Variants in ANKLE2 observed in about 807,000 individuals in gnomAD.
The protein encoded by ANKLE2 is ankyrin repeat and LEM domain-containing protein 2.
In ANKLE2, 55 loss-of-function variants were observed where a neutral mutation model predicts 84.2. The ratio of observed to expected loss-of-function variants is 0.65; its 90% CI spans 0.53 to 0.82. The LOEUF (loss-of-function observed/expected upper bound fraction) is 0.82. Among genes scored for constraint, ANKLE2 ranks in the 40% least tolerant of loss-of-function variants. The pLI is 0.00. For missense variants in ANKLE2, 1,238 were observed against 1,201.9 expected (o/e 1.03, Z -0.44); for synonymous variants, 551 against 486.1 (o/e 1.13, Z -1.76).
chr12:132,755,931 G>C (rs139120026), intron 1 of ANKLE2: 10,854 of 152,120 alleles, frequency 0.071, 485 homozygotes, highest in African/African-American at 0.13. Context: ...TGCAACCTCT[G>C]CCTCCTGGGT....
Position 132,735,434 on chromosome 12 carries a change from G to A in ANKLE2, c.1672C>T (p.Pro558Ser). ...CCCACTCTCTCAAAGCCTCTTTCCG[G>A]GTCCGACTTCTTGACGTGGTGAAGG... Reference protein sequence around the residue: ...GFLHHVKKSDPERGFERVGRE... With the variant: ...GFLHHVKKSDSERGFERVGRE... Residue 558 changes from proline to serine, a missense_variant, in exon 9 of 13, where the codon CCG (proline) becomes TCG (serine). By Grantham distance (74) the Pro-to-Ser change is moderately conservative. Coordinates refer to ENST00000357997, the MANE Select transcript of ANKLE2 (RefSeq NM_015114.3). 6.2e-7 allele frequency: 1 copy of A among 1,614,080 alleles called. No individual in the cohort carries two copies. Among genetic ancestry groups the A allele is most frequent in the Non-Finnish European group, 8.5e-7 (1 of 1,180,024 alleles).
intron 10 of ANKLE2, among the ~76,000 whole-genome samples, chr12:132,733,526 T>C (rs1453487150): frequency 6.6e-6 from 1 of 151,334 alleles, no homozygotes; most frequent in African/African-American, 2.4e-5. Flanking sequence ...CTCTGCGTGC[T>C]GGTGCCTGAT....
chr12:132,761,688 CG>C lies in ANKLE2; in HGVS notation c.110del (p.Pro37ArgfsTer27). The C allele has an allele frequency of 7.4e-7, 1 of 1,344,814 alleles. No individual in the cohort carries two copies. The highest frequency in any genetic ancestry group is 9.6e-7 in the Non-Finnish European group (1 of 1,040,728). 83.3% of individuals were successfully genotyped at this position (1,344,814 alleles called of 1,614,324 possible). On this transcript the variant is annotated frameshift_variant, in exon 1 of 13. Coordinates refer to ENST00000357997, the MANE Select transcript of ANKLE2 (RefSeq NM_015114.3). LOFTEE classifies it high-confidence loss of function. ...CGCTGCGGCCCAGACCTCCCGGCCGCGGGCCCAGCCGCCGCACCAGCCACCG... is the reference window on the plus strand; with the variant it reads ...CGCTGCGGCCCAGACCTCCCGGCCGCGGCCCAGCCGCCGCACCAGCCACCG... ...AVRWLVRRLG[P>X]RPGGLGRSGT...
chr12:132,730,996 G>A (rs1374516716), intron 10 of ANKLE2: 2 of 152,244 alleles, frequency 1.3e-5, no homozygotes, highest in Non-Finnish European at 2.9e-5. Flanking sequence ...GGATCCCGAA[G>A]ATCGTCCAGA....
chr12:132,754,144 AG>A (rs1203579496), intron 2 of ANKLE2, among the ~76,000 whole-genome samples: 8 of 152,142 alleles, frequency 5.3e-5, no homozygotes, highest in African/African-American at 1.9e-4. Context: ...CAGGAGGCTG[AG>A]GCAGGAGAAT....
intron 10 of ANKLE2, among the ~76,000 whole-genome samples, chr12:132,733,601 C>G (rs1444117312): frequency 6.6e-6 from 1 of 150,852 alleles, no homozygotes; most frequent in Non-Finnish European, 1.5e-5. Flanking sequence ...ACTCTGCATC[C>G]TGGTGTCTGA....
At chr12:132,756,248 T>C (rs2044480532) in intron 1 of ANKLE2, 2 of 151,540 alleles carry the variant, frequency 1.3e-5, no homozygotes, top group Non-Finnish European at 2.9e-5. Context: ...TACATGCCTG[T>C]AACCCCAGCT....
At chr12:132,742,390 C>T (rs972660484) in intron 6 of ANKLE2, 2 of 153,502 alleles carry the variant, frequency 1.3e-5, no homozygotes, top group African/African-American at 4.8e-5. Flanking sequence ...CCACTGCCAC[C>T]AGAAGATCCT....
Position 132,737,050 on chromosome 12 carries a change from G to A in ANKLE2, c.1436C>T (p.Pro479Leu). ...AGAAGTCTCTTCCGCTCTCAGGAGGGGCACGTAGTAGTGGCCTGAGGGAGG... is the reference window on the plus strand; with the variant it reads ...AGAAGTCTCTTCCGCTCTCAGGAGGAGCACGTAGTAGTGGCCTGAGGGAGG... ...REYLKGHYYV[P>L]LLRAEETSSP... The change falls in exon 8 of 13, where the codon CCC becomes CTC. Residue 479 changes from proline (P) to leucine (L), a missense_variant. Pro to Leu is a moderately conservative substitution (Grantham distance 98, BLOSUM62 -3). Transcript: ENST00000357997. 1.9e-6 allele frequency: 3 copies of A among 1,602,850 alleles called. No homozygotes were observed. Among genetic ancestry groups the A allele is most frequent in the Non-Finnish European group, 2.6e-6 (3 of 1,171,752 alleles).
In ANKLE2 at chr12:132,757,168, T is replaced by C. The variant is rs549154659; in HGVS notation, c.182-2035A>G. On this transcript the variant is annotated intron_variant, in intron 1 of 12. Coordinates refer to ENST00000357997, the MANE Select transcript of ANKLE2 (RefSeq NM_015114.3). ...TACCGTGTGAACAGGCTCTAGGCAG[T>C]AGATGTTTTCACAATGGTATAGGTT... 3 of 152,320 alleles carry C rather than the reference T, an allele frequency of 2.0e-5. No homozygotes were observed. The South Asian group carries it at 6.2e-4, about 32-fold the overall frequency. 9.4% of individuals were successfully genotyped at this position (152,320 alleles called of 1,614,324 possible).
intron 1 of ANKLE2, chr12:132,759,588 T>C (rs1357021237): frequency 6.6e-6 from 1 of 152,016 alleles, no homozygotes; most frequent in Admixed American, 6.6e-5. Context: ...ATACATCATA[T>C]ATAAAAACAT....
In ANKLE2 at chr12:132,747,943, G is replaced by C; in HGVS notation, c.1119C>G (p.Val373=). The change falls in exon 5 of 13, where the codon GTC becomes GTG. Residue 373 remains valine, a synonymous_variant. Transcript: ENST00000357997. ...QASICQLTLD[V]LENPDFMRLM... is the part of the protein sequence containing the mutation. ...GCCTCATGAAGTCAGGGTTCTCCAG[G>C]ACGTCCAGAGTCAGCTGGCAGATGG... The C allele has an allele frequency of 1.9e-6, 3 of 1,601,758 alleles. No individual in the cohort carries two copies. The highest frequency in any genetic ancestry group is 2.5e-6 in the Non-Finnish European group (3 of 1,177,144).
rs1457239627 is a variant in ANKLE2 at position 132,726,369 on chromosome 12, C to G, written c.*873G>C. On this transcript the variant is annotated 3_prime_UTR_variant, in exon 13 of 13. Coordinates refer to ENST00000357997, the MANE Select transcript of ANKLE2 (RefSeq NM_015114.3). ...CAGGAGATCCCAACTGAAATGAGTT[C>G]CAAAATAACGGATACCTTTATCGTA... is the stretch of plus-strand genomic sequence containing the variant. The G allele has an allele frequency of 6.6e-6, 1 of 152,252 alleles. No individual in the cohort carries two copies. Among genetic ancestry groups the G allele is most frequent in the Non-Finnish European group, 1.5e-5 (1 of 68,110 alleles). The allele number at this position is 152,252 out of a possible 1,614,324, so 9.4% of individuals were successfully genotyped here.
Position 132,747,974 on chromosome 12 carries a change from T to C in ANKLE2, c.1088A>G (p.Gln363Arg), listed in dbSNP as rs1245305132. 1.9e-6 allele frequency: 3 copies of C among 1,598,134 alleles called. No homozygotes were observed. The Admixed American group carries it at 5.6e-5, about 30-fold the overall frequency. ...CAGAGTCAGCTGGCAGATGGAAGCCTGGTTCTCTTTGGCAGCAACATGCAT... is the reference window on the plus strand; with the variant it reads ...CAGAGTCAGCTGGCAGATGGAAGCCCGGTTCTCTTTGGCAGCAACATGCAT... ...NVMHVAAKEN[Q>R]ASICQLTLDV... is the part of the protein sequence containing the mutation. The change falls in exon 5 of 13, where the codon CAG (glutamine) becomes CGG (arginine). Residue 363 changes from glutamine to arginine, a missense_variant. Gln to Arg is a conservative substitution (Grantham distance 43). Transcript: ENST00000357997.
intron 9 of ANKLE2, 176 bp from the exon 10 acceptor site, chr12:132,734,751 C>T (rs1026261895): frequency 3.2e-5 from 20 of 629,658 alleles, no homozygotes; most frequent in Non-Finnish European, 4.5e-5. Context: ...TGAAACAGCA[C>T]GCCTCCTCAC....
At chr12:132,759,938 A>C (rs913382407) in intron 1 of ANKLE2, 1 of 152,160 alleles carries the variant, frequency 6.6e-6, no homozygotes, top group Non-Finnish European at 1.5e-5. Flanking sequence ...ATTCGAGACC[A>C]TCCTGGCCAA....
intron 7 of ANKLE2, chr12:132,737,445 T>C (rs1002502777): frequency 6.2e-6 from 1 of 161,904 alleles, no homozygotes; most frequent in Non-Finnish European, 1.4e-5. Flanking sequence ...CCGGGTGCGG[T>C]GGCTCACGCC....
Position 132,727,397 on chromosome 12 carries a change from C to G in ANKLE2, c.2662G>C (p.Asp888His), listed in dbSNP as rs550673728. The change falls in exon 13 of 13, where the codon GAT (aspartate) becomes CAT (histidine). Residue 888 changes from aspartate to histidine, a missense_variant. Transcript: ENST00000357997. ...CTGTAGCTGTGAGGGCCACTGAGAT[C>G]TGGCAGCTGAGACTTGAACCTTCCT... ...VKGRFKSQLP[D>H]LSGPHSYSPG... The G allele has an allele frequency of 5.8e-6, 9 of 1,561,510 alleles. No homozygotes were observed. Among genetic ancestry groups the G allele is most frequent in the African/African-American group, 1.4e-5 (1 of 74,008 alleles).
chr12:132,754,114 C>A (rs963431413), intron 2 of ANKLE2, among the ~76,000 whole-genome samples: 3 of 151,570 alleles, frequency 2.0e-5, no homozygotes, highest in Non-Finnish European at 2.9e-5. Context: ...CGGTGGCAGG[C>A]GCCTGTAATC....
Sources: gnomAD v4.1 joint callset for allele counts (sites outside exome capture counted in the v4.1 genomes callset) on GRCh38, gnomAD v4.1.1 for gene constraint, MANE v1.5 for transcripts, NCBI Gene and HGNC (gene_info 2026-07-23, HGNC 2026-07-21) for gene names.